SPATA16: variants seen among roughly 807,000 people sequenced by gnomAD.
The protein encoded by SPATA16 is spermatogenesis-associated protein 16.
SPATA16 carries 36 observed loss-of-function variants against 63.3 expected under a neutral mutation model. That is an observed-to-expected ratio of 0.57 (90% CI 0.44 to 0.75). The LOEUF (loss-of-function observed/expected upper bound fraction) is 0.75. Among genes scored for constraint, SPATA16 ranks in the 30% least tolerant of loss-of-function variants. The pLI is 0.00. For synonymous variants in SPATA16, 203 were observed against 216.7 expected, an observed-to-expected ratio of 0.94 and a Z score of 0.56; for missense variants, 646 against 679.3, an observed-to-expected ratio of 0.95 and a Z score of 0.54.
intron 2 of SPATA16, among the ~76,000 whole-genome samples, chr3:173,080,306 G>C (rs548392630): frequency 6.6e-5 from 10 of 152,334 alleles, no homozygotes; most frequent in Admixed American, 5.9e-4. Flanking sequence ...AGAGGGTTGA[G>C]TAGTTAGGGA....
At chr3:172,905,610 C>A (rs751155148) in intron 10 of SPATA16, among the ~76,000 whole-genome samples, 1 of 152,200 alleles carries the variant, frequency 6.6e-6, no homozygotes, top group Non-Finnish European at 1.5e-5. Context: ...CATGTAACTC[C>A]ATCACATTTT....
rs558593445 is a variant in SPATA16 at position 172,924,479 on chromosome 3, A to T, written c.1229-162T>A. ...TAGACCATATGTATAACAAAGAAAG[A>T]TCTATGGGGAGAAAGGCAGAGGAGA... is the stretch of plus-strand genomic sequence containing the variant. On this transcript the variant is annotated intron_variant, in intron 7 of 10. Coordinates refer to ENST00000351008, the MANE Select transcript of SPATA16 (RefSeq NM_031955.6). Among the ~76,000 whole-genome samples the T allele has an allele frequency of 2.0e-5, 3 of 152,276 alleles. No individual in the cohort carries two copies. In the South Asian group the frequency reaches 6.2e-4, roughly 32 times the overall value.
At chr3:172,962,172 G>C (rs563591642) in intron 5 of SPATA16, among the ~76,000 whole-genome samples, 75 of 145,956 alleles carry the variant, frequency 5.1e-4, no homozygotes, top group African/African-American at 1.7e-3. Context: ...AGAATTGCTT[G>C]AGCCCAGGAA....
At chr3:173,009,736 G>T (rs1338417880) in intron 4 of SPATA16, among the ~76,000 whole-genome samples, 2 of 152,244 alleles carry the variant, frequency 1.3e-5, no homozygotes, top group Non-Finnish European at 2.9e-5. Context: ...GTCATAGGCA[G>T]TTGTCCAGGT....
intron 2 of SPATA16, among the ~76,000 whole-genome samples, chr3:173,108,993 G>A (rs1294112938): frequency 1.3e-5 from 2 of 152,088 alleles, no homozygotes; most frequent in Admixed American, 6.6e-5. Context: ...TGTTAGCTAC[G>A]CATGACTGTA....
chr3:172,914,995 C>A (rs749514539), intron 9 of SPATA16, among the ~76,000 whole-genome samples: 12 of 151,872 alleles, frequency 7.9e-5, no homozygotes, highest in Admixed American at 7.9e-4. Context: ...AACATTTTGC[C>A]GGCTTCTTAA....
intron 4 of SPATA16, among the ~76,000 whole-genome samples, chr3:172,998,747 G>A (rs979132591): frequency 2.0e-5 from 3 of 152,082 alleles, no homozygotes. Context: ...GAGAATTTGT[G>A]TCACGAATAT....
chr3:172,937,973 G>C (rs757229278), intron 6 of SPATA16, among the ~76,000 whole-genome samples: 1 of 152,048 alleles, frequency 6.6e-6, no homozygotes, highest in South Asian at 2.1e-4. Context: ...GAGAAGGGGG[G>C]TAAACAGATC....
chr3:173,098,170 G>A (rs1010668603), intron 2 of SPATA16, among the ~76,000 whole-genome samples: 3 of 151,590 alleles, frequency 2.0e-5, no homozygotes, highest in African/African-American at 7.3e-5. Context: ...AAAAAGAAGA[G>A]TTGGAGTTTA....
chr3:172,981,702 T>C (rs1227647566), intron 4 of SPATA16, among the ~76,000 whole-genome samples: 1 of 152,242 alleles, frequency 6.6e-6, no homozygotes, highest in African/African-American at 2.4e-5. Context: ...TTTTCCATAC[T>C]ACTTATCACC....
intron 2 of SPATA16, among the ~76,000 whole-genome samples, chr3:173,066,597 T>A (rs7644272): frequency 1.3e-5 from 2 of 152,076 alleles, no homozygotes; most frequent in African/African-American, 2.4e-5. Context: ...AGTCCTGGGC[T>A]TAGGGCACTA....
At position 173,119,229 on chromosome 3, in the gene SPATA16, C is replaced by T. The variant is rs778734398; in HGVS notation, c.-18-1480G>A. On this transcript the variant is annotated intron_variant, in intron 1 of 10. Transcript: ENST00000351008. Reference sequence around the variant, plus strand: ...CATGCAGGGCTTAAAACCTAGATGACGGGTTGATAGCTGCAGGAAACCACC... The same window carrying T: ...CATGCAGGGCTTAAAACCTAGATGATGGGTTGATAGCTGCAGGAAACCACC... Among the ~76,000 whole-genome samples the T allele has an allele frequency of 5.3e-5, 8 of 152,170 alleles. No individual in the cohort carries two copies. The South Asian group carries it at 6.2e-4, about 12-fold the overall frequency.
intron 2 of SPATA16, among the ~76,000 whole-genome samples, chr3:173,104,672 T>C (rs1392799793): frequency 6.6e-6 from 1 of 152,166 alleles, no homozygotes; most frequent in Non-Finnish European, 1.5e-5. Flanking sequence ...TTCCCAACTC[T>C]AGCACAGAGG....
At chr3:173,009,541 G>T (rs901873748) in intron 4 of SPATA16, among the ~76,000 whole-genome samples, 1 of 152,198 alleles carries the variant, frequency 6.6e-6, no homozygotes, top group Admixed American at 6.5e-5. Context: ...TTGGATCCCA[G>T]AGCACCCTAG....
At chr3:172,996,640 T>G (rs1265168160) in intron 4 of SPATA16, among the ~76,000 whole-genome samples, 1 of 152,138 alleles carries the variant, frequency 6.6e-6, no homozygotes, top group Non-Finnish European at 1.5e-5. Context: ...AATTGATGAC[T>G]TATATTTACA....
At chr3:173,006,675 G>A (rs570906849) in intron 4 of SPATA16, among the ~76,000 whole-genome samples, 10 of 152,096 alleles carry the variant, frequency 6.6e-5, no homozygotes, top group East Asian at 1.9e-4. Flanking sequence ...GTTTCTCCCC[G>A]CTTGCTGGTA....
chr3:172,972,676 G>C (rs185977847), intron 5 of SPATA16, among the ~76,000 whole-genome samples: 5,803 of 151,508 alleles, frequency 0.038, 374 homozygotes, highest in African/African-American at 0.13. Flanking sequence ...AAAACTATAA[G>C]CTTTTTTTTT....
At chr3:173,098,118 C>G (rs1737405296) in intron 2 of SPATA16, among the ~76,000 whole-genome samples, 1 of 151,646 alleles carries the variant, frequency 6.6e-6, no homozygotes, top group Admixed American at 6.6e-5. Context: ...TGGAATAATT[C>G]CACCAATCCT....
At chr3:173,125,776 C>T (rs1738210564) in intron 1 of SPATA16, among the ~76,000 whole-genome samples, 1 of 152,140 alleles carries the variant, frequency 6.6e-6, no homozygotes, top group African/African-American at 2.4e-5. Flanking sequence ...TTTATATTCC[C>T]CCACCAGAAT....
Sources: allele counts gnomAD v4.1 joint callset (sites outside exome capture counted in the v4.1 genomes callset), GRCh38; gene constraint gnomAD v4.1.1; transcripts MANE v1.5; gene names NCBI Gene and HGNC (gene_info 2026-07-23, HGNC 2026-07-21).